Variants in PRPSAP1 observed in about 807,000 individuals in gnomAD.
PRPSAP1 encodes phosphoribosyl pyrophosphate synthetase associated protein 1.
A neutral mutation model predicts 39.4 loss-of-function variants in PRPSAP1; 31 were observed. The observed-to-expected ratio is 0.79, with a 90% CI of 0.59 to 1.06. PRPSAP1 has a LOEUF of 1.06. Among genes scored for constraint, PRPSAP1 ranks in the 50% least tolerant of loss-of-function variants. PRPSAP1 has a pLI of 0.00. For missense variants in PRPSAP1, 430 were observed against 511.6 expected (o/e 0.84, Z 1.54); for synonymous variants, 212 against 192.6 (o/e 1.10, Z -0.83).
intron 7 of PRPSAP1, among the ~76,000 whole-genome samples, chr17:76,325,967 G>A (rs994687712): frequency 2.0e-5 from 3 of 152,004 alleles, no homozygotes; most frequent in African/African-American, 7.3e-5. Context: ...TTGGTTTTTA[G>A]ACACAATGAT....
intron 3 of PRPSAP1, among the ~76,000 whole-genome samples, chr17:76,333,053 G>A (rs531542939): frequency 3.6e-4 from 54 of 151,890 alleles, no homozygotes; most frequent in Non-Finnish European, 5.7e-4. Flanking sequence ...CACCTCGCCC[G>A]GCTAATTTTT....
At chr17:76,320,416 G>T (rs2071182512) in intron 7 of PRPSAP1, among the ~76,000 whole-genome samples, 3 of 134,444 alleles carry the variant, frequency 2.2e-5, no homozygotes, top group Admixed American at 8.4e-5. Flanking sequence ...TTGCTTTGCA[G>T]ATAATGCTTT....
At position 76,353,689 on chromosome 17, in the gene PRPSAP1, C is replaced by G. The variant is rs1305396569; in HGVS notation, c.15G>C (p.Leu5=). MPKK[L]LLLPPPSASS... ...ACGCGGAGGGCGGGGGCAACAGCAG[C>G]AGCTTCTTGGGCATCGTCCGGCCCG... Residue 5 remains leucine, a synonymous_variant, in exon 1 of 10, where the codon CTG becomes CTC. Coordinates refer to ENST00000446526, the MANE Select transcript of PRPSAP1 (RefSeq NM_002766.3). 7.3e-6 allele frequency: 11 copies of G among 1,498,626 alleles called. No individual in the cohort carries two copies. The highest frequency in any genetic ancestry group is 9.7e-6 in the Non-Finnish European group (11 of 1,129,462). The allele number at this position is 1,498,626 out of a possible 1,614,324, so 92.8% of individuals were successfully genotyped here.
chr17:76,316,705 C>T (rs910936947), intron 7 of PRPSAP1, among the ~76,000 whole-genome samples: 2 of 152,182 alleles, frequency 1.3e-5, no homozygotes, highest in East Asian at 1.9e-4. Flanking sequence ...ACATTACTTG[C>T]GGCCAGAAAT....
At chr17:76,353,217 G>C (rs2071599051) in intron 1 of PRPSAP1, 2 of 311,564 alleles carry the variant, frequency 6.4e-6, no homozygotes, top group Admixed American at 5.3e-5. Context: ...CTTTCCCCAA[G>C]ACACGCACTC....
intron 1 of PRPSAP1, 140 bp downstream of exon 1, chr17:76,353,394 A>G (rs1186171343): frequency 1.1e-6 from 1 of 873,042 alleles, no homozygotes; most frequent in East Asian, 3.3e-5. Context: ...GTCACCTCCA[A>G]GCTTTGTCCG....
chr17:76,314,099 C>T, intron 7 of PRPSAP1: 1 of 568,228 alleles, frequency 1.8e-6, no homozygotes, highest in Non-Finnish European at 3.1e-6. Context: ...ATACATGTTA[C>T]TTTGAATTTT....
At chr17:76,313,666 C>T in intron 8 of PRPSAP1, 155 bp downstream of exon 8, 1 of 722,524 alleles carries the variant, frequency 1.4e-6, no homozygotes. Context: ...CACCTGGATA[C>T]AGGTTTCTGC....
chr17:76,353,818 G>T lies in PRPSAP1; in HGVS notation c.-115C>A. On this transcript the variant is annotated 5_prime_UTR_variant, in exon 1 of 10. Coordinates refer to ENST00000446526, the MANE Select transcript of PRPSAP1 (RefSeq NM_002766.3). ...GGCGCTGAGAAACTCGGCGCAAGCGGGGAGAGCTCCGAGGTCCGTGCCCTT... is the reference window on the plus strand; with the variant it reads ...GGCGCTGAGAAACTCGGCGCAAGCGTGGAGAGCTCCGAGGTCCGTGCCCTT... The T allele has an allele frequency of 7.2e-7, 1 of 1,386,272 alleles. No homozygotes were observed. Among genetic ancestry groups the T allele is most frequent in the South Asian group, 1.6e-5 (1 of 62,086 alleles). The allele number at this position is 1,386,272 out of a possible 1,614,324, so 85.9% of individuals were successfully genotyped here.
At chr17:76,325,023 A>G (rs1335436286) in intron 7 of PRPSAP1, among the ~76,000 whole-genome samples, 1 of 147,070 alleles carries the variant, frequency 6.8e-6, no homozygotes, top group Non-Finnish European at 1.5e-5. Context: ...AACTGGGTGA[A>G]CCACTGCACT....
intron 3 of PRPSAP1, among the ~76,000 whole-genome samples, chr17:76,343,458 C>A (rs2071461774): frequency 6.6e-6 from 1 of 152,252 alleles, no homozygotes; most frequent in Non-Finnish European, 1.5e-5. Flanking sequence ...CCACACGTAA[C>A]AACTAGAAGC....
At chr17:76,316,643 T>C (rs2071127232) in intron 7 of PRPSAP1, among the ~76,000 whole-genome samples, 1 of 152,222 alleles carries the variant, frequency 6.6e-6, no homozygotes, top group African/African-American at 2.4e-5. Context: ...TTCTGCTCTC[T>C]CTTTCCATTT....
chr17:76,348,489 T>A, intron 2 of PRPSAP1, 40 bp downstream of exon 2: 1 of 1,264,344 alleles, frequency 7.9e-7, no homozygotes, highest in Non-Finnish European at 1.0e-6. Context: ...ACTAAATAAA[T>A]AAAAAATAAT....
intron 7 of PRPSAP1, among the ~76,000 whole-genome samples, chr17:76,322,688 T>C (rs1009234818): frequency 2.0e-5 from 3 of 151,824 alleles, no homozygotes; most frequent in Non-Finnish European, 2.9e-5. Flanking sequence ...TAAAAATTTC[T>C]AAAAATTAGC....
At chr17:76,352,129 C>T (rs1049406667) in intron 1 of PRPSAP1, among the ~76,000 whole-genome samples, 3 of 151,610 alleles carry the variant, frequency 2.0e-5, no homozygotes, top group South Asian at 4.2e-4. Context: ...TTCTACATTT[C>T]CCCCCAGAAG....
intron 3 of PRPSAP1, among the ~76,000 whole-genome samples, chr17:76,342,201 G>A (rs1379189715): frequency 4.6e-5 from 7 of 152,028 alleles, no homozygotes; most frequent in African/African-American, 1.7e-4. Flanking sequence ...TATTGTATCA[G>A]CATAAGACTA....
chr17:76,332,943 T>A (rs564129024), intron 3 of PRPSAP1, among the ~76,000 whole-genome samples: 4 of 150,900 alleles, frequency 2.7e-5, no homozygotes, highest in African/African-American at 9.8e-5. Flanking sequence ...CAGGTTGGAG[T>A]GCAGTGGCGC....
chr17:76,346,902 G>A (rs1246083624), intron 2 of PRPSAP1, among the ~76,000 whole-genome samples: 1 of 152,004 alleles, frequency 6.6e-6, no homozygotes, highest in Non-Finnish European at 1.5e-5. Context: ...TTCAACAAAT[G>A]CTGAAGCCTC....
intron 3 of PRPSAP1, among the ~76,000 whole-genome samples, chr17:76,334,181 TGGGGTG>T (rs940335602): frequency 1.3e-5 from 2 of 152,016 alleles, no homozygotes; most frequent in Admixed American, 6.6e-5. Flanking sequence ...ATCCCCGTCT[TGGGGTG>T]GGGGTGGGGG....
Sources: gnomAD v4.1 joint callset for allele counts (sites outside exome capture counted in the v4.1 genomes callset) on GRCh38, gnomAD v4.1.1 for gene constraint, MANE v1.5 for transcripts, NCBI Gene and HGNC (gene_info 2026-07-23, HGNC 2026-07-21) for gene names.